Variants in RNF17 observed in about 807,000 individuals in gnomAD.
The protein encoded by RNF17 is ring finger protein 17.
RNF17 carries 31 observed loss-of-function variants against 200.5 expected under a neutral mutation model. The ratio of observed to expected loss-of-function variants is 0.15; its 90% CI spans 0.12 to 0.21. The LOEUF (loss-of-function observed/expected upper bound fraction) is 0.21. Among genes scored for constraint, RNF17 ranks in the 10% least tolerant of loss-of-function variants. The pLI is 1.00. For synonymous variants in RNF17, 606 were observed against 637.8 expected (o/e 0.95, Z 0.75); for missense variants, 1,628 against 1,905.1 (o/e 0.85, Z 2.71).
In RNF17 at chr13:24,861,277, T is replaced by C. The variant is rs1359544254; in HGVS notation, c.3784T>C (p.Leu1262=). 1 of 1,593,670 alleles carries C rather than the reference T, an allele frequency of 6.3e-7. No individual in the cohort carries two copies. Among genetic ancestry groups the C allele is most frequent in the African/African-American group, 1.4e-5 (1 of 73,456 alleles). ...VVGGAVRVQY[L]DHGFTEKIPQ... The stretch of plus-strand genomic sequence containing the variant: ...ATTTGTCGTGTTTCAGGTACAATAT[T>C]TAGATCATGGATTCACTGAAAAGAT... Residue 1262 remains leucine (L), a synonymous_variant, in exon 27 of 36, where the codon TTA becomes CTA. Coordinates refer to ENST00000255324, the MANE Select transcript of RNF17 (RefSeq NM_031277.3).
At chr13:24,859,464 A>G (rs1892861845) in intron 26 of RNF17, among the ~76,000 whole-genome samples, 1 of 152,158 alleles carries the variant, frequency 6.6e-6, no homozygotes, top group Non-Finnish European at 1.5e-5. Context: ...TATGTTTTCC[A>G]GTATGTTAAA....
intron 24 of RNF17, among the ~76,000 whole-genome samples, chr13:24,851,815 T>TC (rs1891924656): frequency 1.3e-5 from 2 of 152,116 alleles, no homozygotes; most frequent in South Asian, 4.1e-4. Context: ...TAATTTCCCC[T>TC]CTCCTTTGAC....
At chr13:24,805,624 AC>A (rs1477494248) in intron 15 of RNF17, among the ~76,000 whole-genome samples, 1 of 152,080 alleles carries the variant, frequency 6.6e-6, no homozygotes, top group Non-Finnish European at 1.5e-5. Context: ...GATTGTTTCC[AC>A]CTTTTGGCCT....
Position 24,796,163 on chromosome 13 carries a change from C to T in RNF17, c.1267C>T (p.His423Tyr), listed in dbSNP as rs1455178385. The T allele has an allele frequency of 2.5e-6, 4 of 1,609,804 alleles. No homozygotes were observed. In the East Asian group the frequency reaches 8.9e-5, roughly 36 times the overall value. ...TTCTGCAGAGCTAGTTTTTGTAAGC[C>T]ATGTAATAGATCCTTGCCATTTCTA... Reference protein sequence around the residue: ...ESSAELVFVSHVIDPCHFYIR... With the variant: ...ESSAELVFVSYVIDPCHFYIR... Residue 423 changes from histidine (H) to tyrosine (Y), a missense_variant, in exon 11 of 36, where the codon CAT (histidine) becomes TAT (tyrosine). By Grantham distance (83) the His-to-Tyr change is moderately conservative. This residue lies in a region of RNF17 where 502 missense variants were observed against 501.7 expected (regional missense o/e 1.00). Coordinates refer to ENST00000255324, the MANE Select transcript of RNF17 (RefSeq NM_031277.3).
intron 18 of RNF17, among the ~76,000 whole-genome samples, chr13:24,839,870 A>G (rs1566205379): frequency 6.6e-6 from 1 of 152,104 alleles, no homozygotes; most frequent in Non-Finnish European, 1.5e-5. Flanking sequence ...GTAAAAACAA[A>G]CATAAATAGC....
chr13:24,799,443 G>T lies in RNF17; in HGVS notation c.1448G>T (p.Gly483Val). The T allele has an allele frequency of 6.2e-7, 1 of 1,610,744 alleles. No homozygotes were observed. Among genetic ancestry groups the T allele is most frequent in the South Asian group, 1.1e-5 (1 of 90,674 alleles). Reference protein sequence around the residue: ...SSIKNGMWCRGTITELIPIEG... With the variant: ...SSIKNGMWCRVTITELIPIEG... The stretch of plus-strand genomic sequence containing the variant: ...ATTAAAAATGGAATGTGGTGTCGAG[G>T]AACTATCACAGAATTAATTCCAATA... The change falls in exon 12 of 36, where the codon GGA becomes GTA. Residue 483 changes from glycine to valine, a missense_variant. By Grantham distance (109) the Gly-to-Val change is moderately radical. Coordinates refer to ENST00000255324, the MANE Select transcript of RNF17 (RefSeq NM_031277.3).
intron 4 of RNF17, among the ~76,000 whole-genome samples, 180 bp downstream of exon 4, chr13:24,778,586 G>C (rs1881907433): frequency 6.6e-6 from 1 of 152,126 alleles, no homozygotes; most frequent in South Asian, 2.1e-4. Context: ...TTTCTTCCAA[G>C]GCAGCCTGTT....
chr13:24,748,877 G>A, the RNF17 span, among the ~76,000 whole-genome samples: 1 of 152,178 alleles, frequency 6.6e-6, no homozygotes, highest in South Asian at 2.1e-4. Flanking sequence ...AGCCTCCTGA[G>A]TAGCTGGGAT....
At chr13:24,804,883 T>A (rs1885663719) in intron 15 of RNF17, among the ~76,000 whole-genome samples, 2 of 152,168 alleles carry the variant, frequency 1.3e-5, no homozygotes, top group African/African-American at 2.4e-5. Flanking sequence ...CCTTATTGAT[T>A]TCTGGGTGCT....
At chr13:24,789,488 TA>T in intron 8 of RNF17, 64 bp downstream of exon 8, 1 of 1,182,624 alleles carries the variant, frequency 8.5e-7, no homozygotes. Flanking sequence ...TTAAATGTAT[TA>T]AAATAGCAAG....
At position 24,799,508 on chromosome 13, in the gene RNF17, T is replaced by C; in HGVS notation, c.1513T>C (p.Leu505=). 3 of 1,612,030 alleles carry C rather than the reference T, an allele frequency of 1.9e-6. No individual in the cohort carries two copies. The highest frequency in any genetic ancestry group is 2.5e-6 in the Non-Finnish European group (3 of 1,178,446). The change falls in exon 12 of 36, where the codon TTA becomes CTA. Residue 505 remains leucine, a synonymous_variant. Transcript: ENST00000255324. ...NTRKPCSPTR[L]FVHEVALIQI... is the part of the protein sequence containing the mutation. ...CAGAAAACCTTGTAGTCCAACCAGA[T>C]TATTTGTCCATGAAGTTGCACTAAT...
chr13:24,860,238 A>C (rs1456348680), intron 26 of RNF17, among the ~76,000 whole-genome samples: 1 of 151,990 alleles, frequency 6.6e-6, no homozygotes. Context: ...TCAAGTTATC[A>C]TACTTCATGA....
At chr13:24,883,070 AATCT>A, downstream of RNF17, 1 of 1,025,816 alleles carries the variant, frequency 9.7e-7, no homozygotes, top group Non-Finnish European at 1.5e-6. Flanking sequence ...TTTAGAATCT[AATCT>A]TTTCCCCACA....
At chr13:24,867,361 C>A (rs185496527) in intron 30 of RNF17, among the ~76,000 whole-genome samples, 54 of 152,196 alleles carry the variant, frequency 3.5e-4, no homozygotes, top group African/African-American at 1.2e-3. Flanking sequence ...CTTTTAAGTA[C>A]CAAAGTTTTT....
chr13:24,851,567 A>AG lies in RNF17; in HGVS notation c.3318dup (p.Arg1107GlufsTer3). 6.2e-7 allele frequency: 1 copy of AG among 1,603,642 alleles called. No individual in the cohort carries two copies. The highest frequency in any genetic ancestry group is 8.5e-7 in the Non-Finnish European group (1 of 1,174,654). On this transcript the variant is annotated frameshift_variant, in exon 24 of 36. Coordinates refer to ENST00000255324, the MANE Select transcript of RNF17 (RefSeq NM_031277.3). LOFTEE classifies it high-confidence loss of function. ...TAAAAAGGGTTTGGCTTTGAGAGAA[A>AG]GGAGGTATAGACTTTTTTAAAAAAT...
chr13:24,877,692 G>T (rs573785696), intron 34 of RNF17, among the ~76,000 whole-genome samples: 1 of 151,032 alleles, frequency 6.6e-6, no homozygotes, highest in Non-Finnish European at 1.5e-5. Flanking sequence ...CATCCTAAAA[G>T]AAGAGTGGGA....
intron 5 of RNF17, among the ~76,000 whole-genome samples, chr13:24,780,178 T>A (rs970398023): frequency 1.3e-5 from 2 of 152,142 alleles, no homozygotes; most frequent in African/African-American, 4.8e-5. Context: ...TTCAAAAGGT[T>A]ATAGCTGATT....
intron 27 of RNF17, among the ~76,000 whole-genome samples, chr13:24,862,364 A>G (rs1297340339): frequency 6.6e-6 from 1 of 152,204 alleles, no homozygotes; most frequent in Non-Finnish European, 1.5e-5. Flanking sequence ...CTATTCCTTA[A>G]TGAATACATA....
chr13:24,781,904 G>C lies in RNF17; in HGVS notation c.571G>C (p.Glu191Gln). Residue 191 changes from glutamate to glutamine, a missense_variant, in exon 6 of 36, where the codon GAG becomes CAG. Transcript: ENST00000255324. ...EERERVIEVV[E>Q]KQFDQLLAFF... is the part of the protein sequence containing the mutation. ...AAGAGAAAGAGTTATAGAAGTTGTG[G>C]AGAAACAGTTTGACCAACTTTTGGC... 1.9e-6 allele frequency: 3 copies of C among 1,613,296 alleles called. No homozygotes were observed. In the East Asian group the frequency reaches 6.7e-5, roughly 36 times the overall value.
Sources: allele counts gnomAD v4.1 joint callset (sites outside exome capture counted in the v4.1 genomes callset), GRCh38; gene constraint gnomAD v4.1.1; regional missense constraint gnomAD v4.1.1; transcripts MANE v1.5; gene names NCBI Gene and HGNC (gene_info 2026-07-23, HGNC 2026-07-21).